XRN2: variants seen among roughly 807,000 people sequenced by gnomAD.
XRN2 encodes the protein DHM1-like protein.
A neutral mutation model predicts 138.5 loss-of-function variants in XRN2; 44 were observed. The observed-to-expected ratio is 0.32, with a 90% CI of 0.25 to 0.41. The LOEUF (loss-of-function observed/expected upper bound fraction) is 0.41, where lower values mean the gene tolerates loss of function less well. XRN2 is among the 10% of genes least tolerant of loss of function. The pLI, the probability that XRN2 is intolerant of heterozygous loss-of-function variation, is 1.00. For missense variants in XRN2, 937 were observed against 1,169.3 expected, an observed-to-expected ratio of 0.80 and a Z score of 2.90; for synonymous variants, 354 against 369.4, an observed-to-expected ratio of 0.96 and a Z score of 0.48.
rs77547832 is a variant in XRN2 at position 21,335,151 on chromosome 20, A to T, written c.1233+966A>T. Among the ~76,000 whole-genome samples the T allele has an allele frequency of 6.2e-3, 948 of 152,274 alleles. 6 individuals carry two copies. Among genetic ancestry groups the T allele is most frequent in the Non-Finnish European group, 7.5e-3 (509 of 68,006 alleles). On this transcript the variant is annotated intron_variant, in intron 13 of 29. Transcript: ENST00000377191. The stretch of plus-strand genomic sequence containing the variant: ...AGGGGTCACAGTGAGATGGACAGGC[A>T]CTTCGTCCGTGGACAGGGTTTGGGA...
At chr20:21,353,601 C>T (rs567499030) in intron 20 of XRN2, among the ~76,000 whole-genome samples, 3 of 151,692 alleles carry the variant, frequency 2.0e-5, no homozygotes, top group African/African-American at 4.8e-5. Flanking sequence ...GACCAGCCTG[C>T]GTAACACAAG....
chr20:21,341,980 C>A (rs2038378285), intron 15 of XRN2, among the ~76,000 whole-genome samples: 1 of 152,108 alleles, frequency 6.6e-6, no homozygotes, highest in Non-Finnish European at 1.5e-5. Flanking sequence ...AGATCGATAA[C>A]ATCTGCCATA....
At chr20:21,384,155 C>A (rs1051529721) in intron 28 of XRN2, among the ~76,000 whole-genome samples, 1 of 152,180 alleles carries the variant, frequency 6.6e-6, no homozygotes, top group African/African-American at 2.4e-5. Context: ...ATCCTCCCAA[C>A]ACAGACACAG....
At chr20:21,384,825 G>A (rs1041198) in intron 28 of XRN2, among the ~76,000 whole-genome samples, 28,148 of 152,148 alleles carry the variant, frequency 0.19, 4,084 homozygotes, top group African/African-American at 0.41. Flanking sequence ...GGATATGTCA[G>A]TTTCTGTGCT....
At chr20:21,373,668 A>AT (rs774830457) in intron 27 of XRN2, among the ~76,000 whole-genome samples, 2 of 152,184 alleles carry the variant, frequency 1.3e-5, no homozygotes, top group Non-Finnish European at 2.9e-5. Context: ...ACTTTTAGCT[A>AT]TTTGACTAAG....
intron 27 of XRN2, among the ~76,000 whole-genome samples, chr20:21,373,959 G>A (rs1022226719): frequency 2.6e-5 from 4 of 152,132 alleles, no homozygotes; most frequent in Non-Finnish European, 5.9e-5. Flanking sequence ...AGAGGTTTAT[G>A]CCAGCATTTA....
intron 28 of XRN2, among the ~76,000 whole-genome samples, chr20:21,384,682 G>A (rs1324732043): frequency 4.6e-5 from 7 of 152,056 alleles, no homozygotes; most frequent in Non-Finnish European, 5.9e-5. Context: ...TAGTAGAGAC[G>A]GGGTTTTCCC....
rs184066420 is a variant in XRN2, at chr20:21,367,561, G to A, written c.2457-902G>A. On this transcript the variant is annotated intron_variant, in intron 26 of 29. Transcript: ENST00000377191. ...ACTTAATATACTTGTGAACTTTACC[G>A]AACCACTCTGTGCCTCCATTTCCTT... 3.1e-3 allele frequency among the ~76,000 whole-genome samples: 466 copies of A among 150,382 alleles called. 2 individuals are homozygous for A. The highest frequency in any genetic ancestry group is 0.011 in the African/African-American group (449 of 40,876).
chr20:21,377,264 C>CTTTTTTTTTTTTTTCTTTTTTTTTTTTT (rs761622310), intron 27 of XRN2, among the ~76,000 whole-genome samples: 2 of 82,782 alleles, frequency 2.4e-5, no homozygotes, highest in African/African-American at 1.1e-4. Flanking sequence ...TCGGTTTTTT[C>CTTTTTTTTTTTTTTCTTTTTTTTTTTTT]TTTTTTTTTT....
intron 27 of XRN2, among the ~76,000 whole-genome samples, chr20:21,380,997 G>C (rs1219659600): frequency 1.3e-5 from 2 of 152,182 alleles, no homozygotes; most frequent in African/African-American, 4.8e-5. Flanking sequence ...TCTTTGTCAT[G>C]GGGCTTTTAA....
At position 21,365,579 on chromosome 20, in the gene XRN2, A is replaced by G. The variant is rs1017519051; in HGVS notation, c.2331A>G (p.Pro777=). 2.5e-6 allele frequency: 4 copies of G among 1,613,578 alleles called. No homozygotes were observed. The African/African-American group carries it at 5.3e-5, about 22-fold the overall frequency. The change falls in exon 26 of 30, where the codon CCA becomes CCG. Residue 777 remains proline, a synonymous_variant. Transcript: ENST00000377191. ...KAVMLPGARK[P]AAVLKPSDWE... ...TGTCTTTTTAAATGGTCAGAAAGCCAGCAGCAGTACTGAAACCTAGTGACT... is the reference window on the plus strand; with the variant it reads ...TGTCTTTTTAAATGGTCAGAAAGCCGGCAGCAGTACTGAAACCTAGTGACT...
intron 8 of XRN2, 132 bp from the exon 9 acceptor site, chr20:21,332,151 A>G (rs2038220668): frequency 8.8e-6 from 10 of 1,138,360 alleles, no homozygotes; most frequent in Non-Finnish European, 1.2e-5. Flanking sequence ...GGAAGTGTCA[A>G]GCTTTGGGGC....
At chr20:21,324,275 T>G (rs1488408921) in intron 1 of XRN2, among the ~76,000 whole-genome samples, 1 of 152,142 alleles carries the variant, frequency 6.6e-6, no homozygotes, top group African/African-American at 2.4e-5. Context: ...CTGTTCTGCC[T>G]TAAATCCCTT....
intron 13 of XRN2, among the ~76,000 whole-genome samples, chr20:21,338,380 A>AT (rs1194949664): frequency 6.6e-6 from 1 of 152,204 alleles, no homozygotes; most frequent in East Asian, 1.9e-4. Flanking sequence ...GTAGGGGGAA[A>AT]GAATCAACGT....
chr20:21,350,302 G>A (rs1309989427), intron 20 of XRN2, among the ~76,000 whole-genome samples: 2 of 151,942 alleles, frequency 1.3e-5, no homozygotes, highest in South Asian at 2.1e-4. Context: ...CAAGGCGGGC[G>A]GATCACGAGG....
chr20:21,354,624 T>C (rs959567603), intron 20 of XRN2, among the ~76,000 whole-genome samples, 165 bp from the exon 21 acceptor site: 7 of 152,216 alleles, frequency 4.6e-5, no homozygotes, highest in Non-Finnish European at 8.8e-5. Flanking sequence ...ACAGGGGAAA[T>C]ATTAGCATCT....
chr20:21,350,441 G>A lies in XRN2; in HGVS notation c.1936+980G>A, dbSNP rs377092069. ...CTCGGGAGGCAGAGGCAGGAGAATG[G>A]CGTGAACCCGGGAGGCAGAGCTTGC... On this transcript the variant is annotated intron_variant, in intron 20 of 29. Coordinates refer to ENST00000377191, the MANE Select transcript of XRN2 (RefSeq NM_012255.5). Among the ~76,000 whole-genome samples the A allele has an allele frequency of 1.6e-4, 24 of 146,232 alleles. No homozygotes were observed. The East Asian group carries it at 4.2e-3, about 26-fold the overall frequency.
intron 21 of XRN2, among the ~76,000 whole-genome samples, chr20:21,355,354 A>G (rs954808943): frequency 6.6e-5 from 10 of 152,314 alleles, no homozygotes; most frequent in Admixed American, 2.0e-4. Flanking sequence ...TGACAGTAAA[A>G]AGTATTCATA....
At position 21,353,223 on chromosome 20, in the gene XRN2, GATATATATATATAT is replaced by G. The variant is rs869071652; in HGVS notation, c.1937-1537_1937-1524del. On this transcript the variant is annotated intron_variant, in intron 20 of 29. Transcript: ENST00000377191. ...AAATATAAATAAATGTAGTGGGTAG[GATATATATATATAT>G]ATATATATATATATATATATATATA... Among the ~76,000 whole-genome samples the G allele has an allele frequency of 2.7e-3, 304 of 113,840 alleles. 2 individuals carry two copies. The highest frequency in any genetic ancestry group is 9.8e-3 in the African/African-American group (269 of 27,446). 74.7% of individuals were successfully genotyped at this position (113,840 alleles called of 152,430 possible).
Sources: allele counts gnomAD v4.1 joint callset (sites outside exome capture counted in the v4.1 genomes callset), GRCh38; gene constraint gnomAD v4.1.1; transcripts MANE v1.5; gene names NCBI Gene and HGNC (gene_info 2026-07-23, HGNC 2026-07-21).